The following FLRT1 variants were observed in gnomAD, a reference collection of about 807,000 sequenced individuals.
FLRT1 encodes the protein fibronectin leucine rich transmembrane protein 1.
FLRT1 carries 14 observed loss-of-function variants against 30.9 expected under a neutral mutation model. The observed-to-expected ratio is 0.45, with a 90% CI of 0.30 to 0.71. The LOEUF is 0.71. Ranked by LOEUF, FLRT1 falls within the 30% of genes least tolerant of loss-of-function variation. FLRT1 has a pLI of 0.08. For synonymous variants in FLRT1, 368 were observed against 430.4 expected, an observed-to-expected ratio of 0.85 and a Z score of 1.80; for missense variants, 737 against 949.2, an observed-to-expected ratio of 0.78 and a Z score of 2.94.
Position 64,082,791 on chromosome 11 carries a change from T to G in FLRT1, c.-1037-20403T>G, listed in dbSNP as rs1391253223. ...TTTGGGACCCCTGAAAGTCACCTGC[T>G]CCCATTTCCCCTGTTTCCCTCAGCT... On this transcript the variant is annotated intron_variant, in intron 1 of 2. Coordinates refer to ENST00000682287, the MANE Select transcript of FLRT1 (RefSeq NM_013280.5). This position sits in a 1 kb window ranked among gnomAD's most constrained non-coding sequence, Gnocchi z 4.5. Among the ~76,000 whole-genome samples the G allele has an allele frequency of 6.6e-6, 1 of 152,082 alleles. No homozygotes were observed. Among genetic ancestry groups the G allele is most frequent in the Non-Finnish European group, 1.5e-5 (1 of 67,996 alleles).
intron 1 of FLRT1, among the ~76,000 whole-genome samples, chr11:64,065,167 C>T (rs569492633): frequency 3.9e-5 from 6 of 152,296 alleles, no homozygotes; most frequent in East Asian, 3.9e-4. Flanking sequence ...GCCCAGGGAA[C>T]GGGTGCAGGA....
chr11:64,069,823 C>T (rs930504108), intron 1 of FLRT1, among the ~76,000 whole-genome samples: 4 of 152,192 alleles, frequency 2.6e-5, no homozygotes, highest in African/African-American at 4.8e-5. Context: ...GGCTTCTTAT[C>T]GACAGTCATT....
intron 1 of FLRT1, among the ~76,000 whole-genome samples, chr11:64,051,018 A>C (rs922460630): frequency 2.0e-5 from 3 of 152,200 alleles, no homozygotes; most frequent in Middle Eastern, 3.2e-3. Context: ...AGCCTTGCCC[A>C]GGGGGACAGC....
intron 2 of FLRT1, among the ~76,000 whole-genome samples, chr11:64,115,679 A>G (rs1228522374): frequency 6.6e-6 from 1 of 152,084 alleles, no homozygotes; most frequent in Non-Finnish European, 1.5e-5. Flanking sequence ...CCCCCTTTTG[A>G]GCTCCTGGGC....
intron 2 of FLRT1, among the ~76,000 whole-genome samples, chr11:64,111,334 C>A (rs1944858670): frequency 6.6e-6 from 1 of 152,226 alleles, no homozygotes; most frequent in Non-Finnish European, 1.5e-5. Flanking sequence ...ACGCTGGGGG[C>A]CCCCTGGCAG....
At chr11:64,079,629 G>A (rs1394234847) in intron 1 of FLRT1, among the ~76,000 whole-genome samples, 1 of 152,176 alleles carries the variant, frequency 6.6e-6, no homozygotes, top group Non-Finnish European at 1.5e-5. Flanking sequence ...GGCAGAGTTG[G>A]GCCTAGAGGC....
chr11:64,100,111 C>T (rs1246691066), intron 1 of FLRT1, among the ~76,000 whole-genome samples: 2 of 152,158 alleles, frequency 1.3e-5, no homozygotes, highest in Non-Finnish European at 2.9e-5. Context: ...TCTCAGTCCA[C>T]ACAATGAAAG....
rs1024701518 is a variant in FLRT1 at position 64,090,686 on chromosome 11, C to T, written c.-1037-12508C>T. 6.6e-6 allele frequency among the ~76,000 whole-genome samples: 1 copy of T among 152,236 alleles called. No homozygotes were observed. The highest frequency in any genetic ancestry group is 2.4e-5 in the African/African-American group (1 of 41,528). On this transcript the variant is annotated intron_variant, in intron 1 of 2. Coordinates refer to ENST00000682287, the MANE Select transcript of FLRT1 (RefSeq NM_013280.5). This position sits in a 1 kb window ranked among gnomAD's most constrained non-coding sequence, Gnocchi z 4.7. ...CCACCAACAGACCACTTCTCTGAGG[C>T]GGGGACGTCCCAAGACTAAAATGGG...
chr11:64,040,542 C>A (rs755199202), intron 1 of FLRT1, among the ~76,000 whole-genome samples: 1 of 152,206 alleles, frequency 6.6e-6, no homozygotes, highest in Non-Finnish European at 1.5e-5. Context: ...GCAGATGGGC[C>A]TCTGGAAGAG....
chr11:64,070,602 C>T (rs1462267905), intron 1 of FLRT1, among the ~76,000 whole-genome samples: 1 of 152,212 alleles, frequency 6.6e-6, no homozygotes, highest in Non-Finnish European at 1.5e-5. Flanking sequence ...CGGAGGGGCC[C>T]CCTTCCCAGA....
At chr11:64,105,000 C>T (rs1335277659) in intron 2 of FLRT1, among the ~76,000 whole-genome samples, 3 of 152,234 alleles carry the variant, frequency 2.0e-5, no homozygotes, top group East Asian at 1.9e-4. Flanking sequence ...ACACTTCCCA[C>T]GCTCTTCCTC....
At chr11:64,112,809 T>C (rs1944886565) in intron 2 of FLRT1, among the ~76,000 whole-genome samples, 1 of 152,130 alleles carries the variant, frequency 6.6e-6, no homozygotes, top group Admixed American at 6.5e-5. Context: ...CCACATAGGA[T>C]TGCACAGGGC....
chr11:64,116,903 C>T lies in FLRT1; in HGVS notation c.636C>T (p.Thr212=). 2 of 1,611,496 alleles carry T rather than the reference C, an allele frequency of 1.2e-6. No homozygotes were observed. The highest frequency in any genetic ancestry group is 1.7e-6 in the Non-Finnish European group (2 of 1,180,020). The change falls in exon 3 of 3, where the codon ACC becomes ACT. Residue 212 remains threonine, a synonymous_variant. Transcript: ENST00000682287. ...GGCTGGATGACAACCGCATCTCCAC[C>T]ATCCCGCTGCATGCCTTCAAGGGCC... ...ELRLDDNRIS[T]IPLHAFKGLN... is the part of the protein sequence containing the mutation.
intron 1 of FLRT1, among the ~76,000 whole-genome samples, chr11:64,077,243 G>A (rs1042897289): frequency 1.3e-5 from 2 of 152,210 alleles, no homozygotes; most frequent in Non-Finnish European, 2.9e-5. Flanking sequence ...CAGGGACCCA[G>A]TGATTCATTT....
intron 1 of FLRT1, among the ~76,000 whole-genome samples, chr11:64,051,624 G>A (rs1036743544): frequency 6.6e-6 from 1 of 152,190 alleles, no homozygotes; most frequent in Admixed American, 6.5e-5. Context: ...TGCGTGGAGC[G>A]GGCAGTGGGC....
At chr11:64,108,204 G>T (rs1001275819) in intron 2 of FLRT1, among the ~76,000 whole-genome samples, 1 of 152,000 alleles carries the variant, frequency 6.6e-6, no homozygotes, top group African/African-American at 2.4e-5. Context: ...TCACAGCTAC[G>T]CGGGAGGCTG....
chr11:64,111,145 G>A (rs893727470), intron 2 of FLRT1, among the ~76,000 whole-genome samples: 1 of 152,230 alleles, frequency 6.6e-6, no homozygotes, highest in African/African-American at 2.4e-5. Flanking sequence ...TGAGCTGAGC[G>A]GGCGCTGGGA....
chr11:64,080,147 G>A (rs549937966), intron 1 of FLRT1, among the ~76,000 whole-genome samples: 17 of 152,258 alleles, frequency 1.1e-4, no homozygotes, highest in Non-Finnish European at 1.8e-4. Flanking sequence ...CGAGTAGCGG[G>A]GATTACAGGC....
At chr11:64,097,565 G>A (rs1000589981) in intron 1 of FLRT1, among the ~76,000 whole-genome samples, 11 of 152,342 alleles carry the variant, frequency 7.2e-5, no homozygotes, top group Admixed American at 5.9e-4. Context: ...AGCCACCCAC[G>A]GCCTGGCTCG....
Sources: allele counts gnomAD v4.1 joint callset (sites outside exome capture counted in the v4.1 genomes callset), GRCh38; gene constraint gnomAD v4.1.1; non-coding constraint Gnocchi (gnomAD v3.1); transcripts MANE v1.5; gene names NCBI Gene and HGNC (gene_info 2026-07-23, HGNC 2026-07-21).